The following PARP15 variants were observed in gnomAD, a reference collection of about 807,000 sequenced individuals.
PARP15 encodes protein mono-ADP-ribosyltransferase PARP15.
A neutral mutation model predicts 62.1 loss-of-function variants in PARP15; 50 were observed. The observed-to-expected ratio is 0.81, with a 90% CI of 0.64 to 1.02. PARP15 has a LOEUF of 1.02. PARP15 is among the 50% of genes least tolerant of loss of function. PARP15 has a pLI of 0.00. For missense variants in PARP15, 820 were observed against 826.5 expected (o/e 0.99, Z 0.10); for synonymous variants, 309 against 293.1 (o/e 1.05, Z -0.55).
At chr3:122,624,061 G>C (rs142742684) in intron 8 of PARP15, among the ~76,000 whole-genome samples, 4 of 151,984 alleles carry the variant, frequency 2.6e-5, no homozygotes, top group Non-Finnish European at 4.4e-5. Context: ...TGAGGTGGGA[G>C]AATCACTTGA....
At chr3:122,583,114 CTTTTTTTT>C (rs67942585) in intron 1 of PARP15, among the ~76,000 whole-genome samples, 2 of 83,444 alleles carry the variant, frequency 2.4e-5, no homozygotes, top group Non-Finnish European at 4.3e-5. Flanking sequence ...TCATCTGTAT[CTTTTTTTT>C]TTTTTTTTTT....
chr3:122,597,731 G>T (rs1214294527), intron 1 of PARP15, among the ~76,000 whole-genome samples: 1 of 152,106 alleles, frequency 6.6e-6, no homozygotes, highest in African/African-American at 2.4e-5. Flanking sequence ...TATACATATA[G>T]ATTTTATATA....
At chr3:122,593,440 C>T (rs1247959227) in intron 1 of PARP15, among the ~76,000 whole-genome samples, 2 of 152,036 alleles carry the variant, frequency 1.3e-5, no homozygotes, top group African/African-American at 4.8e-5. Context: ...CTGCGCCTGG[C>T]CAATTTATAT....
chr3:122,625,927 T>C (rs962158608), intron 8 of PARP15, among the ~76,000 whole-genome samples: 1 of 152,200 alleles, frequency 6.6e-6, no homozygotes, highest in African/African-American at 2.4e-5. Context: ...TGTTCTTATT[T>C]CTGCACTGCC....
intron 2 of PARP15, among the ~76,000 whole-genome samples, chr3:122,608,802 T>C (rs918822166): frequency 6.6e-6 from 1 of 150,624 alleles, no homozygotes. Flanking sequence ...GCGTCTTGCC[T>C]TGTCACCTAG....
chr3:122,587,204 A>G (rs1373199895), intron 1 of PARP15, among the ~76,000 whole-genome samples: 1 of 152,254 alleles, frequency 6.6e-6, no homozygotes, highest in Non-Finnish European at 1.5e-5. Flanking sequence ...CTACTGCAGG[A>G]CATCTTGGTT....
At chr3:122,623,733 G>C (rs1299431091) in intron 8 of PARP15, among the ~76,000 whole-genome samples, 1 of 152,188 alleles carries the variant, frequency 6.6e-6, no homozygotes, top group Non-Finnish European at 1.5e-5. Flanking sequence ...GTTGAGTGAA[G>C]AATCATTGCC....
At position 122,636,274 on chromosome 3, in the gene PARP15, T is replaced by C. The variant is rs1937368542; in HGVS notation, c.*174T>C. 1.6e-6 allele frequency: 1 copy of C among 628,114 alleles called. No homozygotes were observed. The highest frequency in any genetic ancestry group is 3.0e-5 in the Admixed American group (1 of 33,374). The allele number at this position is 628,114 out of a possible 1,614,324, so 38.9% of individuals were successfully genotyped here. On this transcript the variant is annotated 3_prime_UTR_variant, in exon 12 of 12. Transcript: ENST00000464300. ...CTGCGATTTGTAGCATACCTTTTTTTCTCAGCAAATTGATGGGTGGAAGCT... is the reference window on the plus strand; with the variant it reads ...CTGCGATTTGTAGCATACCTTTTTTCCTCAGCAAATTGATGGGTGGAAGCT...
chr3:122,621,737 G>A, intron 8 of PARP15, 126 bp downstream of exon 8: 1 of 889,942 alleles, frequency 1.1e-6, no homozygotes, highest in Non-Finnish European at 1.6e-6. Flanking sequence ...ATCAGAGAGG[G>A]AGCCATCTTT....
chr3:122,627,036 A>G lies in PARP15; in HGVS notation c.1438+3A>G, dbSNP rs200890141. On this transcript the variant is annotated splice_donor_region_variant and intron_variant, in intron 9 of 11. Transcript: ENST00000464300. The stretch of plus-strand genomic sequence containing the variant: ...GTCCACATTCTCCATGACTACATGT[A>G]AGATGTTCACTTTTTAAAAATCACC... 2.8e-5 allele frequency: 44 copies of G among 1,598,752 alleles called. No individual in the cohort carries two copies. The highest frequency in any genetic ancestry group is 3.6e-5 in the Non-Finnish European group (42 of 1,171,694).
At chr3:122,579,028 A>G (rs1402782349) in intron 1 of PARP15, among the ~76,000 whole-genome samples, 1 of 152,232 alleles carries the variant, frequency 6.6e-6, no homozygotes, top group Admixed American at 6.5e-5. Context: ...ATTACAATAC[A>G]TGACTTTTTA....
chr3:122,609,793 G>C (rs1466474677), intron 2 of PARP15, among the ~76,000 whole-genome samples: 2 of 151,994 alleles, frequency 1.3e-5, no homozygotes, highest in African/African-American at 2.4e-5. Context: ...TTTCTGGTGA[G>C]CACAAAATCT....
chr3:122,590,122 A>C (rs7618141), intron 1 of PARP15, among the ~76,000 whole-genome samples: 78,599 of 151,150 alleles, frequency 0.52, 20,638 homozygotes, highest in African/African-American at 0.57. Context: ...TCCTGACCTC[A>C]TGATCCACCC....
At chr3:122,608,931 T>G (rs1221287646) in intron 2 of PARP15, among the ~76,000 whole-genome samples, 2 of 152,092 alleles carry the variant, frequency 1.3e-5, no homozygotes, top group East Asian at 3.9e-4. Context: ...AATTTTTTTT[T>G]AATTGTAGAG....
At chr3:122,617,746 T>C (rs1251669275) in intron 6 of PARP15, among the ~76,000 whole-genome samples, 1 of 152,234 alleles carries the variant, frequency 6.6e-6, no homozygotes, top group African/African-American at 2.4e-5. Flanking sequence ...TTGGGTTTTT[T>C]GAGGCGGAGT....
chr3:122,583,954 G>T (rs1354338198), intron 1 of PARP15, among the ~76,000 whole-genome samples: 1 of 152,140 alleles, frequency 6.6e-6, no homozygotes, highest in Non-Finnish European at 1.5e-5. Context: ...ACTCAGTGAG[G>T]CTTCCAGGCT....
intron 7 of PARP15, 116 bp from the exon 8 acceptor site, chr3:122,621,328 G>A: frequency 8.9e-7 from 1 of 1,124,332 alleles, no homozygotes; most frequent in African/African-American, 1.6e-5. Flanking sequence ...ACAAGCTCGA[G>A]TGAGACTGGG....
In PARP15 at chr3:122,617,100, T is replaced by C. The variant is rs140074948; in HGVS notation, c.936T>C (p.Asp312=). The change falls in exon 6 of 12, where the codon GAT becomes GAC. Residue 312 remains aspartate (D), a synonymous_variant. Coordinates refer to ENST00000464300, the MANE Select transcript of PARP15 (RefSeq NM_001113523.3). The stretch of plus-strand genomic sequence containing the variant: ...TTACTTTTCAGGTTGCTACTGGAGA[T>C]ATAGCCACTGAACAGGTAGATGTTA... ...GAITFQVATG[D]IATEQVDVIV... 571 of 1,614,060 alleles carry C rather than the reference T, an allele frequency of 3.5e-4. No individual in the cohort carries two copies. The highest frequency in any genetic ancestry group is 4.4e-4 in the Non-Finnish European group (516 of 1,179,898).
chr3:122,603,269 T>C (rs1199847259), intron 1 of PARP15, among the ~76,000 whole-genome samples: 1 of 152,038 alleles, frequency 6.6e-6, no homozygotes, highest in Non-Finnish European at 1.5e-5. Context: ...GGATGAGAAG[T>C]TGTCACTGTG....
Sources: gnomAD v4.1 joint callset for allele counts (sites outside exome capture counted in the v4.1 genomes callset) on GRCh38, gnomAD v4.1.1 for gene constraint, MANE v1.5 for transcripts, NCBI Gene and HGNC (gene_info 2026-07-23, HGNC 2026-07-21) for gene names.